The following FRMD4B variants were observed in gnomAD, a reference collection of about 807,000 sequenced individuals.
FRMD4B encodes the protein FERM domain-containing protein 4B.
A neutral mutation model predicts 141.5 loss-of-function variants in FRMD4B; 74 were observed. That is an observed-to-expected ratio of 0.52 (90% CI 0.43 to 0.63). The LOEUF (loss-of-function observed/expected upper bound fraction) is 0.63. Ranked by LOEUF, FRMD4B falls within the 30% of genes least tolerant of loss-of-function variation. FRMD4B has a pLI of 0.00. For missense variants in FRMD4B, 1,366 were observed against 1,253.4 expected (o/e 1.09, Z -1.36); for synonymous variants, 506 against 467.9 (o/e 1.08, Z -1.05).
At chr3:69,536,381 G>A (rs571261881) in intron 1 of FRMD4B, 29 of 707,562 alleles carry the variant, frequency 4.1e-5, no homozygotes, top group East Asian at 1.9e-4. Flanking sequence ...AGGAGGCTGC[G>A]GCACATGCCA....
At chr3:69,290,921 A>C (rs141946673) in intron 4 of FRMD4B, among the ~76,000 whole-genome samples, 248 of 152,338 alleles carry the variant, frequency 1.6e-3, no homozygotes, top group African/African-American at 5.7e-3. Context: ...ACTCAGCAGG[A>C]AGCTGAACCC....
intron 1 of FRMD4B, among the ~76,000 whole-genome samples, chr3:69,472,919 G>GTTTTTTTTTT (rs1487383595): frequency 8.8e-6 from 1 of 113,012 alleles, no homozygotes; most frequent in Non-Finnish European, 1.9e-5. Flanking sequence ...CTTCAAGTGA[G>GTTTTTTTTTT]TCTTTCTTTT....
At position 69,362,849 on chromosome 3, in the gene FRMD4B, T is replaced by C. The variant is rs528508308; in HGVS notation, c.162+22979A>G. The stretch of plus-strand genomic sequence containing the variant: ...ATTCTGAACTTAAACATTTTCCTTA[T>C]ATCAGCACATCTCCAATTTTTATTA... On this transcript the variant is annotated intron_variant, in intron 1 of 22. Coordinates refer to ENST00000398540, the MANE Select transcript of FRMD4B (RefSeq NM_015123.3). Among the ~76,000 whole-genome samples the C allele has an allele frequency of 4.6e-5, 7 of 152,316 alleles. No individual in the cohort carries two copies. In the East Asian group the frequency reaches 5.8e-4, roughly 13 times the overall value.
chr3:69,267,630 TATATATAG>T (rs2093572383), intron 5 of FRMD4B, among the ~76,000 whole-genome samples: 3 of 10,918 alleles, frequency 2.7e-4, no homozygotes, highest in African/African-American at 9.4e-4. Context: ...TATATATATA[TATATATAG>T]AGAGAGAGAG....
chr3:69,344,843 A>G (rs561686586), intron 1 of FRMD4B, among the ~76,000 whole-genome samples: 7 of 152,194 alleles, frequency 4.6e-5, no homozygotes, highest in Non-Finnish European at 7.4e-5. Context: ...AAAAGAAAAA[A>G]CAACCACAGG....
At chr3:69,259,451 A>G (rs2093512742) in intron 5 of FRMD4B, among the ~76,000 whole-genome samples, 6 of 152,212 alleles carry the variant, frequency 3.9e-5, no homozygotes, top group Admixed American at 3.9e-4. Flanking sequence ...AAAGCATTCA[A>G]TAAAGGATGA....
intron 5 of FRMD4B, among the ~76,000 whole-genome samples, chr3:69,260,604 G>T (rs907613083): frequency 2.0e-5 from 3 of 152,254 alleles, no homozygotes; most frequent in African/African-American, 7.2e-5. Flanking sequence ...GCGCCGCCTG[G>T]TCCCATCGAC....
At chr3:69,186,246 C>CTTTTT (rs58174388) in intron 19 of FRMD4B, among the ~76,000 whole-genome samples, 1 of 89,624 alleles carries the variant, frequency 1.1e-5, no homozygotes, top group African/African-American at 3.8e-5. Flanking sequence ...TTTCTTTTTC[C>CTTTTT]TTTTTTTTTT....
chr3:69,249,183 T>A, intron 7 of FRMD4B, 43 bp downstream of exon 7: 1 of 1,255,930 alleles, frequency 8.0e-7, no homozygotes, highest in Non-Finnish European at 1.1e-6. Flanking sequence ...AATGATTCTT[T>A]AGGGTTATTT....
intron 1 of FRMD4B, among the ~76,000 whole-genome samples, chr3:69,519,885 G>T (rs112486262): frequency 0.041 from 6,259 of 150,912 alleles, 352 homozygotes; most frequent in African/African-American, 0.13. Context: ...GAGAACATAC[G>T]ATGTTTGGTT....
At chr3:69,324,109 T>C (rs1282626350) in intron 1 of FRMD4B, among the ~76,000 whole-genome samples, 1 of 152,174 alleles carries the variant, frequency 6.6e-6, no homozygotes, top group Non-Finnish European at 1.5e-5. Context: ...AAAAATGGTG[T>C]CTATGTTTGC....
chr3:69,182,532 A>G, intron 20 of FRMD4B, 66 bp downstream of exon 20: 1 of 1,473,438 alleles, frequency 6.8e-7, no homozygotes, highest in Non-Finnish European at 9.1e-7. Context: ...AAAACACAAT[A>G]AAGCAAGACA....
At chr3:69,408,363 C>T (rs1421349226) in intron 2 of FRMD4B, among the ~76,000 whole-genome samples, 1 of 152,196 alleles carries the variant, frequency 6.6e-6, no homozygotes, top group Non-Finnish European at 1.5e-5. Flanking sequence ...TGCTGCCTAT[C>T]AAGTGTGGTT....
At chr3:69,251,172 C>T (rs1460521103) in intron 5 of FRMD4B, among the ~76,000 whole-genome samples, 1 of 152,122 alleles carries the variant, frequency 6.6e-6, no homozygotes, top group Non-Finnish European at 1.5e-5. Flanking sequence ...CACGTAACTC[C>T]ATTATTGCCT....
At chr3:69,474,219 T>C (rs1705942048) in intron 1 of FRMD4B, among the ~76,000 whole-genome samples, 1 of 152,044 alleles carries the variant, frequency 6.6e-6, no homozygotes, top group Non-Finnish European at 1.5e-5. Context: ...CCAAAGTTAA[T>C]AAGAAAGAAA....
intron 1 of FRMD4B, among the ~76,000 whole-genome samples, chr3:69,482,336 T>C (rs1175811590): frequency 2.6e-5 from 4 of 152,178 alleles, no homozygotes; most frequent in Non-Finnish European, 5.9e-5. Flanking sequence ...CAGAACTTAG[T>C]AAACTAAGTT....
intron 11 of FRMD4B, among the ~76,000 whole-genome samples, chr3:69,212,785 C>T (rs1357679089): frequency 1.3e-5 from 2 of 152,086 alleles, no homozygotes; most frequent in Non-Finnish European, 2.9e-5. Flanking sequence ...TGTGAGTTGT[C>T]CTAATATTTT....
intron 21 of FRMD4B, among the ~76,000 whole-genome samples, chr3:69,180,246 C>CAAAAAAAAAAAAAAAAAAAAAAAAAA (rs71115658): frequency 9.9e-6 from 1 of 101,052 alleles, no homozygotes; most frequent in African/African-American, 3.8e-5. Context: ...CTTGTTTCTA[C>CAAAAAAAAAAAAAAAAAAAAAAAAAA]AAAAAAAAAA....
At chr3:69,470,473 T>C (rs1393979600) in intron 1 of FRMD4B, among the ~76,000 whole-genome samples, 4 of 152,134 alleles carry the variant, frequency 2.6e-5, no homozygotes, top group Admixed American at 6.6e-5. Context: ...TAGGTGGTCT[T>C]TGGTATGTCC....
Sources: gnomAD v4.1 joint callset for allele counts (sites outside exome capture counted in the v4.1 genomes callset) on GRCh38, gnomAD v4.1.1 for gene constraint, MANE v1.5 for transcripts, NCBI Gene and HGNC (gene_info 2026-07-23, HGNC 2026-07-21) for gene names.